MON2: variants seen among roughly 807,000 people sequenced by gnomAD.
MON2 encodes the protein MON2 regulator of endosome-to-Golgi trafficking, also known as protein MON2 homolog.
In MON2, 84 loss-of-function variants were observed where a neutral mutation model predicts 208.6. The observed-to-expected ratio is 0.40, with a 90% CI of 0.34 to 0.48. The LOEUF (loss-of-function observed/expected upper bound fraction) is 0.48. Among genes scored for constraint, MON2 ranks in the 20% least tolerant of loss-of-function variants. The probability of loss-of-function intolerance (pLI) is 0.59; values close to 1 mark genes in which losing one functional copy is unlikely to be tolerated. For synonymous variants in MON2, 660 were observed against 694.0 expected (o/e 0.95, Z 0.77); for missense variants, 1,611 against 2,015.4 (o/e 0.80, Z 3.84).
In MON2 at chr12:62,598,823, T is replaced by C. The variant is rs2136547749; in HGVS notation, c.*6074T>C. The C allele has an allele frequency of 6.6e-6, 1 of 152,342 alleles. No homozygotes were observed. The highest frequency in any genetic ancestry group is 6.5e-5 in the Admixed American group (1 of 15,306). 9.4% of individuals were successfully genotyped at this position (152,342 alleles called of 1,614,324 possible). A position where few individuals can be genotyped will look rare whatever the true frequency, so the allele number is the denominator to read the frequency against. ...GGATAGATTTTTCATGAAAGCTATA[T>C]AGTTATAACTGTGATTGTACAGATT... On this transcript the variant is annotated 3_prime_UTR_variant, in exon 35 of 35. Coordinates refer to ENST00000393630, the MANE Select transcript of MON2 (RefSeq NM_015026.3).
chr12:62,535,246 C>T (rs1336586048), intron 13 of MON2, among the ~76,000 whole-genome samples: 1 of 152,012 alleles, frequency 6.6e-6, no homozygotes, highest in Admixed American at 6.6e-5. Context: ...TAAAAATTTA[C>T]TGGTTTCAAA....
intron 34 of MON2, among the ~76,000 whole-genome samples, chr12:62,589,166 G>A (rs915141179): frequency 2.0e-5 from 3 of 152,222 alleles, no homozygotes; most frequent in Non-Finnish European, 2.9e-5. Flanking sequence ...GGACAAGATA[G>A]TGAGCTGGCA....
At chr12:62,591,249 T>C (rs1242251180) in intron 34 of MON2, among the ~76,000 whole-genome samples, 1 of 152,184 alleles carries the variant, frequency 6.6e-6, no homozygotes, top group African/African-American at 2.4e-5. Flanking sequence ...TGATGTGAAT[T>C]CCCAACATAT....
chr12:62,569,699 T>C (rs1289010548), intron 29 of MON2, among the ~76,000 whole-genome samples: 1 of 152,148 alleles, frequency 6.6e-6, no homozygotes, highest in Admixed American at 6.5e-5. Flanking sequence ...ATTGGATTCA[T>C]TGGCTTAATC....
At chr12:62,557,807 A>G (rs777480354) in intron 25 of MON2, among the ~76,000 whole-genome samples, 3 of 150,750 alleles carry the variant, frequency 2.0e-5, no homozygotes, top group Non-Finnish European at 3.0e-5. Context: ...ATTTTTTCAT[A>G]TAAAATTTAC....
chr12:62,590,318 T>C (rs10784311), intron 34 of MON2, among the ~76,000 whole-genome samples: 114,643 of 151,526 alleles, frequency 0.76, 44,076 homozygotes, highest in African/African-American at 0.84. Context: ...GTCTGATACT[T>C]CTGAGCTCAA....
At position 62,558,500 on chromosome 12, in the gene MON2, G is replaced by A. The variant is rs182596220; in HGVS notation, c.3410-1991G>A. Among the ~76,000 whole-genome samples the A allele has an allele frequency of 3.8e-4, 58 of 152,142 alleles. No homozygotes were observed. In the East Asian group the frequency reaches 8.5e-3, roughly 22 times the overall value. On this transcript the variant is annotated intron_variant, in intron 25 of 34. Transcript: ENST00000393630. Reference sequence around the variant, plus strand: ...GAGTTTTTCTCCCTAAATGGCACGGGATATTCTAAATCTGATATTAGGTCA... The same window carrying A: ...GAGTTTTTCTCCCTAAATGGCACGGAATATTCTAAATCTGATATTAGGTCA...
At chr12:62,578,676 A>C (rs919190445) in intron 31 of MON2, among the ~76,000 whole-genome samples, 171 bp downstream of exon 31, 4 of 152,238 alleles carry the variant, frequency 2.6e-5, no homozygotes, top group Non-Finnish European at 5.9e-5. Context: ...GCATTTTAAA[A>C]GTGACTTCCT....
At chr12:62,471,963 G>A (rs145193690) in intron 1 of MON2, among the ~76,000 whole-genome samples, 3 of 152,164 alleles carry the variant, frequency 2.0e-5, no homozygotes, top group South Asian at 2.1e-4. Context: ...GCTTTCTTGC[G>A]AAGATAAGAA....
chr12:62,585,065 GCACACACACACACACACACA>G (rs57834850), intron 32 of MON2, among the ~76,000 whole-genome samples: 4 of 98,820 alleles, frequency 4.0e-5, no homozygotes, highest in South Asian at 3.7e-4. Context: ...CTCTCTACAT[GCACACACACACACACACACA>G]CACACACACA....
chr12:62,507,893 C>T (rs1178747182), intron 7 of MON2, among the ~76,000 whole-genome samples: 1 of 152,110 alleles, frequency 6.6e-6, no homozygotes, highest in Non-Finnish European at 1.5e-5. Context: ...CTCAGCCTCC[C>T]AAATTGCTGG....
At chr12:62,565,507 T>A in intron 27 of MON2, 127 bp downstream of exon 27, 3 of 827,098 alleles carry the variant, frequency 3.6e-6, no homozygotes, top group Non-Finnish European at 5.5e-6. Flanking sequence ...TATTTATACA[T>A]GTCTGTTAGC....
intron 25 of MON2, among the ~76,000 whole-genome samples, chr12:62,557,237 G>A (rs568748311): frequency 1.3e-5 from 2 of 152,336 alleles, no homozygotes; most frequent in East Asian, 3.9e-4. Context: ...CAACAAGGAA[G>A]GATGACAGGA....
intron 19 of MON2, among the ~76,000 whole-genome samples, chr12:62,542,082 A>G (rs1225874974): frequency 6.6e-6 from 1 of 152,166 alleles, no homozygotes; most frequent in Admixed American, 6.5e-5. Context: ...CATAGACATC[A>G]TCTTAACTAC....
chr12:62,570,879 G>A (rs550251318), intron 29 of MON2, among the ~76,000 whole-genome samples: 6 of 151,298 alleles, frequency 4.0e-5, no homozygotes, highest in African/African-American at 9.7e-5. Flanking sequence ...CTATAGGCAC[G>A]TGCCACCACA....
chr12:62,502,407 TAAA>T (rs549207731), intron 7 of MON2, among the ~76,000 whole-genome samples: 4 of 135,372 alleles, frequency 3.0e-5, no homozygotes, highest in Admixed American at 7.4e-5. Context: ...TTTCTTAAAT[TAAA>T]AAAAAAAAAA....
chr12:62,480,301 A>G (rs1023177368), intron 1 of MON2, among the ~76,000 whole-genome samples: 3 of 152,164 alleles, frequency 2.0e-5, no homozygotes, highest in East Asian at 3.9e-4. Context: ...GCTCACCCCT[A>G]TAATCTCAGC....
At chr12:62,537,829 AAG>A in intron 16 of MON2, 123 bp downstream of exon 16, 2 of 791,688 alleles carry the variant, frequency 2.5e-6, no homozygotes, top group Non-Finnish European at 4.0e-6. Context: ...AGTATGAAAA[AAG>A]AGAAGTTAGA....
intron 7 of MON2, among the ~76,000 whole-genome samples, chr12:62,502,359 C>G (rs1181027614): frequency 6.6e-6 from 1 of 151,210 alleles, no homozygotes; most frequent in Non-Finnish European, 1.5e-5. Context: ...CGTGTTCAAG[C>G]CACTACATTC....
Sources: gnomAD v4.1 joint callset for allele counts (sites outside exome capture counted in the v4.1 genomes callset) on GRCh38, gnomAD v4.1.1 for gene constraint, MANE v1.5 for transcripts, NCBI Gene and HGNC (gene_info 2026-07-23, HGNC 2026-07-21) for gene names.